The following NAALADL2 variants were observed in gnomAD, a reference collection of about 807,000 sequenced individuals.
The protein encoded by NAALADL2 is N-acetylated alpha-linked acidic dipeptidase like 2.
A neutral mutation model predicts 87.2 loss-of-function variants in NAALADL2; 76 were observed. That is an observed-to-expected ratio of 0.87 (90% CI 0.72 to 1.05). NAALADL2 has a LOEUF of 1.05. Among genes scored for constraint, NAALADL2 ranks in the 50% least tolerant of loss-of-function variants. The pLI is 0.00. For synonymous variants in NAALADL2, 354 were observed against 331.0 expected (o/e 1.07, Z -0.75); for missense variants, 1,089 against 945.8 (o/e 1.15, Z -1.99).
intron 2 of NAALADL2, among the ~76,000 whole-genome samples, chr3:175,179,681 T>A (rs1216239741): frequency 6.6e-6 from 1 of 152,158 alleles, no homozygotes; most frequent in East Asian, 1.9e-4. Flanking sequence ...AGAGACTTGA[T>A]CTTAGCTACT....
intron 1 of NAALADL2, among the ~76,000 whole-genome samples, chr3:174,903,470 A>G (rs1013343700): frequency 1.3e-5 from 2 of 152,044 alleles, no homozygotes; most frequent in Non-Finnish European, 1.5e-5. Flanking sequence ...TAGTGAACCA[A>G]TGGTGTTTGT....
At chr3:175,021,600 C>T (rs1382322869) in intron 1 of NAALADL2, among the ~76,000 whole-genome samples, 1 of 152,086 alleles carries the variant, frequency 6.6e-6, no homozygotes, top group African/African-American at 2.4e-5. Context: ...AGAAGTCAAA[C>T]TGCCAAGTCT....
At chr3:175,544,882 T>C (rs1028424112) in intron 9 of NAALADL2, among the ~76,000 whole-genome samples, 1 of 152,146 alleles carries the variant, frequency 6.6e-6, no homozygotes, top group Non-Finnish European at 1.5e-5. Context: ...ATCCAAGATA[T>C]TTCCATGATT....
intron 1 of NAALADL2, among the ~76,000 whole-genome samples, chr3:175,015,324 G>A (rs544577046): frequency 2.8e-4 from 42 of 152,112 alleles, no homozygotes; most frequent in South Asian, 1.9e-3. Flanking sequence ...ATGCATTTTT[G>A]AAAAGCTCCT....
intron 1 of NAALADL2, among the ~76,000 whole-genome samples, chr3:175,058,939 T>C (rs1394096540): frequency 6.6e-6 from 1 of 152,190 alleles, no homozygotes; most frequent in Non-Finnish European, 1.5e-5. Flanking sequence ...TACCTACTAG[T>C]CTTGACTGAA....
At position 175,341,414 on chromosome 3, in the gene NAALADL2, T is replaced by C. The variant is rs188793911; in HGVS notation, c.1090+17089T>C. Among the ~76,000 whole-genome samples the C allele has an allele frequency of 5.2e-3, 794 of 152,262 alleles. 2 individuals are homozygous for C. The highest frequency in any genetic ancestry group is 9.2e-3 in the Admixed American group (140 of 15,270). On this transcript the variant is annotated intron_variant, in intron 5 of 13. Transcript: ENST00000454872. ...TTATCCATTTATCAGCTGATGGACATTTGGTCTTTTTTCACTTTTTGGCTG... is the reference window on the plus strand; with the variant it reads ...TTATCCATTTATCAGCTGATGGACACTTGGTCTTTTTTCACTTTTTGGCTG...
intron 3 of NAALADL2, among the ~76,000 whole-genome samples, chr3:174,742,211 T>A (rs1395373216): frequency 6.6e-6 from 1 of 151,736 alleles, no homozygotes; most frequent in Non-Finnish European, 1.5e-5. Context: ...TATTATGTGT[T>A]AAGATACTAT....
At chr3:175,287,164 C>A (rs9846521) in intron 4 of NAALADL2, among the ~76,000 whole-genome samples, 77,698 of 151,958 alleles carry the variant, frequency 0.51, 20,130 homozygotes, top group African/African-American at 0.54. Flanking sequence ...TTCTTCATTT[C>A]TTTTAGTAGT....
At chr3:175,078,138 C>T (rs1452508022) in intron 1 of NAALADL2, among the ~76,000 whole-genome samples, 1 of 152,026 alleles carries the variant, frequency 6.6e-6, no homozygotes, top group Non-Finnish European at 1.5e-5. Flanking sequence ...AATTCCCCTG[C>T]CTCAGCCTCC....
chr3:174,991,928 G>C (rs4527384), intron 1 of NAALADL2, among the ~76,000 whole-genome samples: 51,953 of 151,856 alleles, frequency 0.34, 12,979 homozygotes, highest in African/African-American at 0.7. Flanking sequence ...CAGAGGAGAT[G>C]TGGATCAGTC....
At position 174,557,499 on chromosome 3, in the gene NAALADL2, C is replaced by CT. The variant is rs894117791; in HGVS notation, c.-115+6869dup. On this transcript the variant is annotated intron_variant, in intron 2 of 3. Transcript: ENST00000434257. ...ACTCTGGGGATCATTTTCTTGAATT[C>CT]TTTTTTTGCAATGGAAAATTTTTAA... 2.4e-4 allele frequency among the ~76,000 whole-genome samples: 37 copies of CT among 151,992 alleles called. No individual in the cohort carries two copies. The East Asian group carries it at 2.5e-3, about 10-fold the overall frequency.
At chr3:175,665,021 C>T (rs1732759058) in intron 11 of NAALADL2, among the ~76,000 whole-genome samples, 1 of 152,140 alleles carries the variant, frequency 6.6e-6, no homozygotes, top group African/African-American at 2.4e-5. Context: ...TGAACACTGA[C>T]ACATCTCATC....
intron 13 of NAALADL2, among the ~76,000 whole-genome samples, chr3:175,759,223 A>T (rs575417318): frequency 5.9e-5 from 9 of 152,314 alleles, no homozygotes; most frequent in African/African-American, 2.2e-4. Flanking sequence ...AAGAGCTAAA[A>T]TACATAAATT....
At chr3:175,556,519 T>C (rs1283001417) in intron 9 of NAALADL2, among the ~76,000 whole-genome samples, 3 of 152,154 alleles carry the variant, frequency 2.0e-5, no homozygotes, top group Non-Finnish European at 2.9e-5. Flanking sequence ...TAGTAAAATA[T>C]ACACTTTTGA....
At chr3:175,770,053 T>G (rs929420587) in intron 13 of NAALADL2, among the ~76,000 whole-genome samples, 2 of 152,078 alleles carry the variant, frequency 1.3e-5, no homozygotes, top group African/African-American at 4.8e-5. Flanking sequence ...TCCTTTAAAG[T>G]CAACTGATTA....
intron 9 of NAALADL2, among the ~76,000 whole-genome samples, chr3:175,527,777 T>A (rs1733605988): frequency 6.6e-6 from 1 of 152,190 alleles, no homozygotes; most frequent in African/African-American, 2.4e-5. Flanking sequence ...GATTAAGATT[T>A]TATAAGTCAT....
intron 1 of NAALADL2, among the ~76,000 whole-genome samples, chr3:174,893,192 T>C (rs1731074996): frequency 6.6e-6 from 1 of 152,132 alleles, no homozygotes; most frequent in Non-Finnish European, 1.5e-5. Flanking sequence ...TAGAGTAGTA[T>C]ATCTGGCAAT....
At chr3:175,713,673 T>C (rs536948270) in intron 11 of NAALADL2, among the ~76,000 whole-genome samples, 1 of 152,272 alleles carries the variant, frequency 6.6e-6, no homozygotes, top group Admixed American at 6.6e-5. Flanking sequence ...TTTTAAAAAA[T>C]AAGTAGTTTC....
rs563434379 is a variant in NAALADL2, at chr3:175,274,390, A to G, written c.939+17860A>G. On this transcript the variant is annotated intron_variant, in intron 4 of 13. Coordinates refer to ENST00000454872, the MANE Select transcript of NAALADL2 (RefSeq NM_207015.3). The stretch of plus-strand genomic sequence containing the variant: ...CCATATCACATTACAACAAAAAACT[A>G]CCTGACAGTAAAATAAATACATATT... 2.6e-5 allele frequency among the ~76,000 whole-genome samples: 4 copies of G among 152,346 alleles called. No homozygotes were observed. The South Asian group carries it at 6.2e-4, about 24-fold the overall frequency.
Sources: allele counts gnomAD v4.1 joint callset (sites outside exome capture counted in the v4.1 genomes callset), GRCh38; gene constraint gnomAD v4.1.1; transcripts MANE v1.5; gene names NCBI Gene and HGNC (gene_info 2026-07-23, HGNC 2026-07-21).